ST7: variants seen among roughly 807,000 people sequenced by gnomAD.
ST7 encodes the protein suppressor of tumorigenicity 7 protein.
In ST7, 28 loss-of-function variants were observed where a neutral mutation model predicts 78.7. That is an observed-to-expected ratio of 0.36 (90% CI 0.26 to 0.49). The LOEUF (loss-of-function observed/expected upper bound fraction) is 0.49. Among genes scored for constraint, ST7 ranks in the 20% least tolerant of loss-of-function variants. The pLI, the probability that ST7 is intolerant of heterozygous loss-of-function variation, is 0.99. For synonymous variants in ST7, 247 were observed against 249.6 expected, an observed-to-expected ratio of 0.99 and a Z score of 0.10; for missense variants, 418 against 696.0, an observed-to-expected ratio of 0.60 and a Z score of 4.49.
At chr7:117,214,185 A>G (rs557932625) in intron 13 of ST7, among the ~76,000 whole-genome samples, 3 of 152,254 alleles carry the variant, frequency 2.0e-5, no homozygotes, top group Admixed American at 1.3e-4. Flanking sequence ...TTCTAGTTCT[A>G]TATATCAGGA....
intron 3 of ST7, among the ~76,000 whole-genome samples, chr7:117,120,888 C>T (rs1472061873): frequency 1.3e-5 from 2 of 152,066 alleles, no homozygotes; most frequent in African/African-American, 2.4e-5. Context: ...AAGGCATCCA[C>T]TAAGAGAGAC....
intron 1 of ST7, chr7:117,098,659 T>C (rs1801314321): frequency 2.2e-6 from 1 of 461,580 alleles, no homozygotes; most frequent in Non-Finnish European, 3.3e-6. Context: ...CTGTTCATTT[T>C]GGTATATTAC....
chr7:117,132,087 C>A, intron 6 of ST7, 127 bp downstream of exon 6: 1 of 985,632 alleles, frequency 1.0e-6, no homozygotes, highest in Non-Finnish European at 1.5e-6. Flanking sequence ...GGAGTTATTA[C>A]TCTATTTAAA....
intron 1 of ST7, among the ~76,000 whole-genome samples, chr7:116,999,618 A>T (rs1231636054): frequency 6.6e-6 from 1 of 152,180 alleles, no homozygotes; most frequent in Non-Finnish European, 1.5e-5. Flanking sequence ...TTGCCCTTAG[A>T]AGATGATATC....
intron 1 of ST7, among the ~76,000 whole-genome samples, chr7:117,080,026 G>C (rs1449881602): frequency 7.6e-6 from 1 of 132,016 alleles, no homozygotes; most frequent in East Asian, 2.3e-4. Flanking sequence ...TGTCGCCCAG[G>C]CTGGAGTGCA....
In ST7 at chr7:117,216,519, C is replaced by T. The variant is rs547607944; in HGVS notation, c.1406-2565C>T. Among the ~76,000 whole-genome samples, 29 of 152,146 alleles carry T rather than the reference C, an allele frequency of 1.9e-4. No homozygotes were observed. The South Asian group carries it at 2.7e-3, about 14-fold the overall frequency. ...TCAGTGTGTTTTTAATACTTAGATT[C>T]GCAAAATTTCTGGACATTTGGCAAA... On this transcript the variant is annotated intron_variant, in intron 13 of 15. Coordinates refer to ENST00000323984, the MANE Select transcript of ST7 (RefSeq NM_001369598.1).
chr7:117,040,659 T>C (rs1249660861), intron 1 of ST7, among the ~76,000 whole-genome samples: 1 of 152,240 alleles, frequency 6.6e-6, no homozygotes, highest in Non-Finnish European at 1.5e-5. Flanking sequence ...TCCAATTCAT[T>C]TCTTTGCCAC....
intron 1 of ST7, among the ~76,000 whole-genome samples, chr7:117,090,151 G>A (rs1430642841): frequency 6.6e-6 from 1 of 151,950 alleles, no homozygotes; most frequent in African/African-American, 2.4e-5. Flanking sequence ...AAGTATATCT[G>A]GGACCATCTT....
chr7:116,999,094 T>C lies in ST7; in HGVS notation c.151+45403T>C, dbSNP rs899845886. On this transcript the variant is annotated intron_variant, in intron 1 of 15. Coordinates refer to ENST00000323984, the MANE Select transcript of ST7 (RefSeq NM_001369598.1). ...TAAGGTCCTAGAGCATGTCAACTTG[T>C]GGTGGAACGTGGTTGGAACTCAGAC... Among the ~76,000 whole-genome samples, 4 of 152,224 alleles carry C rather than the reference T, an allele frequency of 2.6e-5. No individual in the cohort carries two copies. The South Asian group carries it at 8.3e-4, about 32-fold the overall frequency.
chr7:117,072,219 T>C (rs1268478538), intron 1 of ST7: 3 of 152,206 alleles, frequency 2.0e-5, no homozygotes, highest in Non-Finnish European at 4.4e-5. Flanking sequence ...AAATACAGCA[T>C]AGATCAGTGA....
At chr7:117,059,356 G>C (rs1798230417) in intron 1 of ST7, among the ~76,000 whole-genome samples, 1 of 152,086 alleles carries the variant, frequency 6.6e-6, no homozygotes. Flanking sequence ...AAAAGAAATA[G>C]TAGATATAAT....
chr7:117,148,122 A>T (rs1023860806), intron 9 of ST7, among the ~76,000 whole-genome samples: 1 of 152,174 alleles, frequency 6.6e-6, no homozygotes, highest in Non-Finnish European at 1.5e-5. Flanking sequence ...GAAGAATGTG[A>T]TAGAATATTC....
At chr7:117,152,202 T>TATATATATATATAC (rs1806335511) in intron 9 of ST7, among the ~76,000 whole-genome samples, 17 of 76,190 alleles carry the variant, frequency 2.2e-4, no homozygotes, top group African/African-American at 8.2e-4. Flanking sequence ...TATATATATA[T>TATATATATATATAC]ATATATATAT....
chr7:117,211,393 T>G (rs779574234), intron 13 of ST7, among the ~76,000 whole-genome samples: 116 of 152,176 alleles, frequency 7.6e-4, no homozygotes, highest in Non-Finnish European at 1.2e-3. Context: ...TGCTTCCTGT[T>G]GTATGTAAGA....
At chr7:117,171,611 G>T (rs981772934) in intron 10 of ST7, among the ~76,000 whole-genome samples, 10 of 150,870 alleles carry the variant, frequency 6.6e-5, no homozygotes, top group African/African-American at 1.9e-4. Context: ...AAATAAGCCG[G>T]CACATCCTAG....
rs1221654932 is a variant in ST7 at position 117,219,629 on chromosome 7, G to C, written c.1498+453G>C. Among the ~76,000 whole-genome samples the C allele has an allele frequency of 6.6e-6, 1 of 152,246 alleles. No homozygotes were observed. Among genetic ancestry groups the C allele is most frequent in the Non-Finnish European group, 1.5e-5 (1 of 68,036 alleles). ...CACCAGGAAGCTGGCACCATGGCCA[G>C]ATGTGGAGTTGTGGGGCAGGGCAGT... On this transcript the variant is annotated intron_variant, in intron 14 of 15. Coordinates refer to ENST00000323984, the MANE Select transcript of ST7 (RefSeq NM_001369598.1). This position sits in a 1 kb window ranked among gnomAD's most constrained non-coding sequence, Gnocchi z 5.1.
chr7:116,966,204 T>C (rs769229634), intron 1 of ST7: 8 of 324,006 alleles, frequency 2.5e-5, no homozygotes, highest in Non-Finnish European at 5.1e-5. Flanking sequence ...GTTGCAGTTA[T>C]TAATTATTTC....
intron 1 of ST7, among the ~76,000 whole-genome samples, chr7:117,009,303 C>T (rs1189564856): frequency 7.0e-6 from 1 of 143,614 alleles, no homozygotes; most frequent in African/African-American, 2.6e-5. Context: ...CACACTAGTC[C>T]ATTCATGACT....
intron 1 of ST7, among the ~76,000 whole-genome samples, chr7:117,002,132 G>T (rs1180531615): frequency 1.3e-5 from 2 of 152,120 alleles, no homozygotes; most frequent in Admixed American, 1.3e-4. Context: ...GGAGGCTGAG[G>T]CAGGAGAATT....
Sources: gnomAD v4.1 joint callset for allele counts (sites outside exome capture counted in the v4.1 genomes callset) on GRCh38, gnomAD v4.1.1 for gene constraint, Gnocchi (gnomAD v3.1) non-coding constraint, MANE v1.5 for transcripts, NCBI Gene and HGNC (gene_info 2026-07-23, HGNC 2026-07-21) for gene names.